GABRB1: variants seen among roughly 807,000 people sequenced by gnomAD.
The protein encoded by GABRB1 is gamma-aminobutyric acid receptor subunit beta-1.
A neutral mutation model predicts 51.6 loss-of-function variants in GABRB1; 17 were observed. The ratio of observed to expected loss-of-function variants is 0.33; its 90% CI spans 0.23 to 0.49. GABRB1 has a LOEUF of 0.49. Ranked by LOEUF, GABRB1 falls within the 20% of genes least tolerant of loss-of-function variation. The probability of loss-of-function intolerance (pLI) is 0.99; values close to 1 mark genes in which losing one functional copy is unlikely to be tolerated. For missense variants in GABRB1, 410 were observed against 600.6 expected (o/e 0.68, Z 3.32); for synonymous variants, 247 against 218.9 (o/e 1.13, Z -1.14).
chr4:47,002,644 A>C (rs1008799303), intron 1 of GABRB1, among the ~76,000 whole-genome samples: 1 of 152,198 alleles, frequency 6.6e-6, no homozygotes, highest in Non-Finnish European at 1.5e-5. Context: ...CACGCAAACT[A>C]AATGATTAAA....
At chr4:47,063,525 C>A (rs1040683328) in intron 3 of GABRB1, among the ~76,000 whole-genome samples, 3 of 152,076 alleles carry the variant, frequency 2.0e-5, no homozygotes, top group African/African-American at 7.2e-5. Flanking sequence ...ACTACACAAA[C>A]AAAACGAGTC....
At chr4:47,339,446 T>C (rs993387104) in intron 5 of GABRB1, among the ~76,000 whole-genome samples, 10 of 152,180 alleles carry the variant, frequency 6.6e-5, no homozygotes, top group African/African-American at 2.4e-4. Context: ...GTTACTTTTA[T>C]TGAATCTTTA....
At chr4:47,288,992 A>G (rs1723622364) in intron 4 of GABRB1, among the ~76,000 whole-genome samples, 2 of 152,224 alleles carry the variant, frequency 1.3e-5, no homozygotes, top group African/African-American at 4.8e-5. Context: ...TATTGTAAAG[A>G]TGATCAATAT....
At chr4:47,045,347 T>G (rs1469864908) in intron 3 of GABRB1, among the ~76,000 whole-genome samples, 1 of 152,086 alleles carries the variant, frequency 6.6e-6, no homozygotes, top group Non-Finnish European at 1.5e-5. Context: ...GAAGGCTAAA[T>G]GAGATAATGT....
At chr4:47,133,859 T>C (rs1716524500) in intron 3 of GABRB1, among the ~76,000 whole-genome samples, 1 of 152,212 alleles carries the variant, frequency 6.6e-6, no homozygotes, top group Admixed American at 6.5e-5. Flanking sequence ...ATAATTTTTC[T>C]TTCTGCGATT....
At chr4:47,120,432 G>A (rs1210883766) in intron 3 of GABRB1, among the ~76,000 whole-genome samples, 1 of 152,182 alleles carries the variant, frequency 6.6e-6, no homozygotes, top group Non-Finnish European at 1.5e-5. Flanking sequence ...GTCTGGAACT[G>A]GGGACTCTGA....
At chr4:47,041,368 T>C (rs1725827391) in intron 3 of GABRB1, among the ~76,000 whole-genome samples, 1 of 152,122 alleles carries the variant, frequency 6.6e-6, no homozygotes, top group African/African-American at 2.4e-5. Flanking sequence ...TTATACTATT[T>C]TGTTTAGAGA....
chr4:47,419,060 T>A (rs1729018404), intron 8 of GABRB1, among the ~76,000 whole-genome samples: 2 of 152,238 alleles, frequency 1.3e-5, no homozygotes, highest in Non-Finnish European at 2.9e-5. Context: ...GTTACCTGAT[T>A]TTTTTAAAAA....
intron 4 of GABRB1, 147 bp downstream of exon 4, chr4:47,161,616 C>A: frequency 1.1e-5 from 7 of 626,808 alleles, no homozygotes; most frequent in South Asian, 1.0e-4. Context: ...CTATTACAAA[C>A]CCTCATGTAG....
rs374780354 is a variant in GABRB1 at position 47,236,916 on chromosome 4, A to C, written c.461+75447A>C. 2.0e-5 allele frequency among the ~76,000 whole-genome samples: 3 copies of C among 152,178 alleles called. No individual in the cohort carries two copies. The South Asian group carries it at 6.2e-4, about 31-fold the overall frequency. On this transcript the variant is annotated intron_variant, in intron 4 of 8. Transcript: ENST00000295454. ...CTTTGTAAACACTGGATTTTAATGCATCACTATAAAAGCGGACGTAAGAAA... is the reference window on the plus strand; with the variant it reads ...CTTTGTAAACACTGGATTTTAATGCCTCACTATAAAAGCGGACGTAAGAAA...
chr4:47,354,682 G>C (rs1726484700), intron 5 of GABRB1, among the ~76,000 whole-genome samples: 1 of 152,092 alleles, frequency 6.6e-6, no homozygotes, highest in Admixed American at 6.5e-5. Context: ...GTAGCTTCCT[G>C]AAAGTGGCTG....
At chr4:47,351,299 C>T (rs73133998) in intron 5 of GABRB1, among the ~76,000 whole-genome samples, 147 of 152,270 alleles carry the variant, frequency 9.7e-4, no homozygotes, top group African/African-American at 3.3e-3. Flanking sequence ...CCACATTAGG[C>T]CAAGTGTGTC....
At chr4:47,048,966 T>C (rs796983608) in intron 3 of GABRB1, among the ~76,000 whole-genome samples, 3 of 151,564 alleles carry the variant, frequency 2.0e-5, no homozygotes, top group African/African-American at 7.3e-5. Context: ...AAACAAGCCA[T>C]AAGGAAGGAA....
intron 4 of GABRB1, among the ~76,000 whole-genome samples, chr4:47,198,028 G>A (rs967817668): frequency 1.3e-5 from 2 of 152,080 alleles, no homozygotes; most frequent in Non-Finnish European, 2.9e-5. Flanking sequence ...TGAATATCAC[G>A]AGAGGGCAGC....
intron 4 of GABRB1, among the ~76,000 whole-genome samples, chr4:47,180,670 T>A (rs1242780954): frequency 1.3e-5 from 2 of 152,060 alleles, no homozygotes; most frequent in Non-Finnish European, 2.9e-5. Flanking sequence ...TAGTACTAAG[T>A]CCTGTACAGT....
chr4:47,214,455 G>A (rs561071836), intron 4 of GABRB1, among the ~76,000 whole-genome samples: 1 of 152,222 alleles, frequency 6.6e-6, no homozygotes, highest in African/African-American at 2.4e-5. Flanking sequence ...TCCTAGTCAT[G>A]ATATAGGCAT....
intron 3 of GABRB1, among the ~76,000 whole-genome samples, chr4:47,034,139 A>G (rs1013815881): frequency 2.0e-5 from 3 of 152,238 alleles, no homozygotes; most frequent in Non-Finnish European, 4.4e-5. Context: ...TTGATAAAAT[A>G]GAAGATTTAA....
chr4:47,082,091 T>A (rs1260740435), intron 3 of GABRB1, among the ~76,000 whole-genome samples: 1 of 152,030 alleles, frequency 6.6e-6, no homozygotes, highest in African/African-American at 2.4e-5. Context: ...ATATAGATAA[T>A]ATTGCTATGT....
At chr4:47,147,071 T>G (rs1179678336) in intron 3 of GABRB1, among the ~76,000 whole-genome samples, 4 of 152,040 alleles carry the variant, frequency 2.6e-5, no homozygotes, top group African/African-American at 9.7e-5. Flanking sequence ...TAAAATGTAT[T>G]TAAAAATAAA....
Sources: gnomAD v4.1 joint callset for allele counts (sites outside exome capture counted in the v4.1 genomes callset) on GRCh38, gnomAD v4.1.1 for gene constraint, MANE v1.5 for transcripts, NCBI Gene and HGNC (gene_info 2026-07-23, HGNC 2026-07-21) for gene names.